Variants in CAMTA1 observed in about 807,000 individuals in gnomAD.
CAMTA1 encodes calmodulin binding transcription activator 1.
A neutral mutation model predicts 170.9 loss-of-function variants in CAMTA1; 27 were observed. The observed-to-expected ratio is 0.16, with a 90% confidence interval of 0.12 to 0.22. The LOEUF is 0.22. CAMTA1 is among the 10% of genes least tolerant of loss of function. CAMTA1 has a pLI of 1.00. For synonymous variants in CAMTA1, 833 were observed against 891.5 expected, an observed-to-expected ratio of 0.93 and a Z score of 1.17; for missense variants, 1,619 against 2,217.2, an observed-to-expected ratio of 0.73 and a Z score of 5.42.
At chr1:7,132,275 C>T (rs1645304991) in intron 4 of CAMTA1, among the ~76,000 whole-genome samples, 2 of 152,200 alleles carry the variant, frequency 1.3e-5, no homozygotes, top group South Asian at 4.1e-4. Context: ...GGTCCCCTTC[C>T]TCCTTCCCTT....
intron 5 of CAMTA1, among the ~76,000 whole-genome samples, chr1:7,452,110 C>T (rs2092839400): frequency 6.6e-6 from 1 of 152,214 alleles, no homozygotes. Flanking sequence ...GCAGGACAAA[C>T]TTTGCCTGGT....
At chr1:7,314,888 C>T (rs1428121996) in intron 5 of CAMTA1, among the ~76,000 whole-genome samples, 1 of 152,164 alleles carries the variant, frequency 6.6e-6, no homozygotes, top group African/African-American at 2.4e-5. Context: ...CACCAGAAAA[C>T]CTAACTTTTC....
At chr1:7,316,552 C>T (rs954329545) in intron 5 of CAMTA1, among the ~76,000 whole-genome samples, 1 of 152,214 alleles carries the variant, frequency 6.6e-6, no homozygotes, top group Non-Finnish European at 1.5e-5. Flanking sequence ...TTGTACCATT[C>T]ATAGAATCCT....
chr1:7,096,530 TC>T (rs1226207191), intron 4 of CAMTA1, among the ~76,000 whole-genome samples: 3 of 152,152 alleles, frequency 2.0e-5, no homozygotes, highest in African/African-American at 7.2e-5. Flanking sequence ...CTGCTTTCCA[TC>T]TTCTGACTTC....
At chr1:7,141,774 C>G (rs1439049389) in intron 4 of CAMTA1, among the ~76,000 whole-genome samples, 2 of 152,210 alleles carry the variant, frequency 1.3e-5, no homozygotes, top group Non-Finnish European at 2.9e-5. Flanking sequence ...TTTTAAGTAT[C>G]CTTCTGGAAC....
chr1:6,856,647 T>C (rs1183141533), intron 3 of CAMTA1, among the ~76,000 whole-genome samples: 1 of 152,066 alleles, frequency 6.6e-6, no homozygotes, highest in African/African-American at 2.4e-5. Context: ...GAGCAGATAA[T>C]TAATTATAAG....
At position 6,934,853 on chromosome 1, in the gene CAMTA1, C is replaced by T. The variant is rs1319875385; in HGVS notation, c.234+109643C>T. The stretch of plus-strand genomic sequence containing the variant: ...GAGGACTGCTCACTTGAGGCTTCCC[C>T]TGGGGAGAAGGAGCTGTTAAACTGT... On this transcript the variant is annotated intron_variant, in intron 3 of 22. Coordinates refer to ENST00000303635, the MANE Select transcript of CAMTA1 (RefSeq NM_015215.4). The surrounding 1 kb of genome is among the most constrained non-coding windows in gnomAD (Gnocchi z 4.5). Among the ~76,000 whole-genome samples, 2 of 152,166 alleles carry T rather than the reference C, an allele frequency of 1.3e-5. No homozygotes were observed. Among genetic ancestry groups the T allele is most frequent in the African/African-American group, 4.8e-5 (2 of 41,438 alleles).
intron 7 of CAMTA1, among the ~76,000 whole-genome samples, chr1:7,659,543 A>G (rs2095936509): frequency 6.6e-6 from 1 of 152,098 alleles, no homozygotes; most frequent in Non-Finnish European, 1.5e-5. Context: ...CAAAAAAAAG[A>G]AGAAGAAAAG....
At chr1:7,485,476 T>C (rs2149660138) in intron 6 of CAMTA1, among the ~76,000 whole-genome samples, 2 of 152,238 alleles carry the variant, frequency 1.3e-5, no homozygotes, top group Admixed American at 6.5e-5. Flanking sequence ...AAGCCATAAT[T>C]CTGAACTTGG....
At chr1:7,276,995 G>C (rs1410008784) in intron 5 of CAMTA1, among the ~76,000 whole-genome samples, 1 of 152,040 alleles carries the variant, frequency 6.6e-6, no homozygotes, top group Non-Finnish European at 1.5e-5. Flanking sequence ...AAATATTTTA[G>C]GATCAAATTA....
At chr1:6,826,385 C>A (rs1647108429) in intron 3 of CAMTA1, among the ~76,000 whole-genome samples, 1 of 152,146 alleles carries the variant, frequency 6.6e-6, no homozygotes, top group East Asian at 1.9e-4. Context: ...AGTTTAGAGG[C>A]CTGCTGTTTA....
intron 5 of CAMTA1, among the ~76,000 whole-genome samples, chr1:7,255,920 C>T (rs2149332712): frequency 6.6e-6 from 1 of 152,320 alleles, no homozygotes; most frequent in East Asian, 1.9e-4. Flanking sequence ...GGGGCTGCCC[C>T]TCCTGTCTGG....
At chr1:6,824,642 A>T (rs1345369409) in intron 2 of CAMTA1, among the ~76,000 whole-genome samples, 1 of 152,142 alleles carries the variant, frequency 6.6e-6, no homozygotes, top group Non-Finnish European at 1.5e-5. Flanking sequence ...TTTATAGTCT[A>T]GGGGATGAAG....
chr1:7,740,605 C>T (rs2096804693), intron 16 of CAMTA1, among the ~76,000 whole-genome samples: 1 of 152,242 alleles, frequency 6.6e-6, no homozygotes, highest in Admixed American at 6.5e-5. Flanking sequence ...CCATACCACG[C>T]ACCGTGGGAG....
In CAMTA1 at chr1:7,562,083, G is replaced by T. The variant is rs2094964434; in HGVS notation, c.511-78317G>T. 6.6e-6 allele frequency among the ~76,000 whole-genome samples: 1 copy of T among 152,146 alleles called. No homozygotes were observed. The highest frequency in any genetic ancestry group is 6.5e-5 in the Admixed American group (1 of 15,280). On this transcript the variant is annotated intron_variant, in intron 6 of 22. Coordinates refer to ENST00000303635, the MANE Select transcript of CAMTA1 (RefSeq NM_015215.4). This position sits in a 1 kb window ranked among gnomAD's most constrained non-coding sequence, Gnocchi z 4.8. Reference sequence around the variant, plus strand: ...GGAGATGGTGTTCAGGGAAGCCTTTGTGCCCCAGGAAAAGCCAGGCCAGGC... The same window carrying T: ...GGAGATGGTGTTCAGGGAAGCCTTTTTGCCCCAGGAAAAGCCAGGCCAGGC...
chr1:6,936,395 G>A (rs1209637828), intron 3 of CAMTA1, among the ~76,000 whole-genome samples: 1 of 152,178 alleles, frequency 6.6e-6, no homozygotes, highest in Non-Finnish European at 1.5e-5. Flanking sequence ...AGGGAGGAGA[G>A]ATGATGCTGA....
chr1:7,490,957 G>A (rs1431531935), intron 6 of CAMTA1, among the ~76,000 whole-genome samples: 3 of 152,202 alleles, frequency 2.0e-5, no homozygotes, highest in East Asian at 1.9e-4. Context: ...TTCTGTGCTT[G>A]TCTCTTCCCC....
chr1:7,453,691 C>T (rs372811166), intron 5 of CAMTA1, among the ~76,000 whole-genome samples: 12 of 152,338 alleles, frequency 7.9e-5, no homozygotes, highest in African/African-American at 2.9e-4. Context: ...ACAGGCTGGT[C>T]CCATTGGCCT....
intron 5 of CAMTA1, among the ~76,000 whole-genome samples, chr1:7,314,526 A>G (rs1310006704): frequency 6.6e-6 from 1 of 152,212 alleles, no homozygotes; most frequent in African/African-American, 2.4e-5. Context: ...CAGTCCAGGC[A>G]TTATTAACTC....
Sources: allele counts gnomAD v4.1 joint callset (sites outside exome capture counted in the v4.1 genomes callset), GRCh38; gene constraint gnomAD v4.1.1; non-coding constraint Gnocchi (gnomAD v3.1); transcripts MANE v1.5; gene names NCBI Gene and HGNC (gene_info 2026-07-23, HGNC 2026-07-21).